STN1: variants seen among roughly 807,000 people sequenced by gnomAD.
The protein encoded by STN1 is CST complex subunit STN1.
A neutral mutation model predicts 45.5 loss-of-function variants in STN1; 29 were observed. That is an observed-to-expected ratio of 0.64 (90% CI 0.47 to 0.87). STN1 has a LOEUF of 0.87. STN1 is among the 40% of genes least tolerant of loss of function. The pLI is 0.00. For missense variants in STN1, 376 were observed against 441.4 expected, an observed-to-expected ratio of 0.85 and a Z score of 1.33; for synonymous variants, 148 against 159.0, an observed-to-expected ratio of 0.93 and a Z score of 0.52.
intron 3 of STN1, among the ~76,000 whole-genome samples, chr10:103,907,087 A>T (rs1217034140): frequency 6.6e-6 from 1 of 152,176 alleles, no homozygotes; most frequent in African/African-American, 2.4e-5. Context: ...TAGCCACTGC[A>T]CTCCAGCCTG....
At chr10:103,906,360 T>C (rs1364295593) in intron 3 of STN1, among the ~76,000 whole-genome samples, 3 of 152,174 alleles carry the variant, frequency 2.0e-5, no homozygotes, top group African/African-American at 4.8e-5. Context: ...TGATTTAATA[T>C]ATAAAGAGCT....
At chr10:103,894,108 G>C (rs1189384552) in intron 7 of STN1, among the ~76,000 whole-genome samples, 1 of 152,180 alleles carries the variant, frequency 6.6e-6, no homozygotes, top group Non-Finnish European at 1.5e-5. Flanking sequence ...AGTGCTCTTA[G>C]GGGATGCACC....
At chr10:103,911,243 T>C (rs1843288895) in intron 2 of STN1, among the ~76,000 whole-genome samples, 1 of 152,116 alleles carries the variant, frequency 6.6e-6, no homozygotes, top group South Asian at 2.1e-4. Context: ...AGGGGGAACC[T>C]ACCCACTGAT....
Position 103,882,744 on chromosome 10 carries a change from C to T in STN1, c.1047G>A (p.Glu349=). The T allele has an allele frequency of 6.2e-7, 1 of 1,614,218 alleles. No homozygotes were observed. Among genetic ancestry groups the T allele is most frequent in the Non-Finnish European group, 8.5e-7 (1 of 1,180,046 alleles). Residue 349 remains glutamate, a synonymous_variant, in exon 10 of 10, where the codon GAG becomes GAA. Transcript: ENST00000224950. ...CAATGTCACTCTGGTCCTCCAGGAGCTCCAGAACTTGCTGCAGCACAGCCT... is the reference window on the plus strand; with the variant it reads ...CAATGTCACTCTGGTCCTCCAGGAGTTCCAGAACTTGCTGCAGCACAGCCT... ...LSEAVLQQVL[E]LLEDQSDIVS...
chr10:103,897,456 G>C, intron 7 of STN1, 92 bp downstream of exon 7: 1 of 1,146,364 alleles, frequency 8.7e-7, no homozygotes, highest in African/African-American at 1.5e-5. Context: ...TCAACTCTGT[G>C]AATCTTCATG....
rs896362209 is a variant in STN1 at position 103,882,320 on chromosome 10, C to G, written c.*364G>C. On this transcript the variant is annotated 3_prime_UTR_variant, in exon 10 of 10. Coordinates refer to ENST00000224950, the MANE Select transcript of STN1 (RefSeq NM_024928.5). ...ATGCCCCTCAGTTCCTGAATGTTCA[C>G]TACCCTGTGGTGTCCCTTTGCCATG... Among the ~76,000 whole-genome samples, 1 of 152,248 alleles carries G rather than the reference C, an allele frequency of 6.6e-6. No individual in the cohort carries two copies. The highest frequency in any genetic ancestry group is 6.5e-5 in the Admixed American group (1 of 15,290).
chr10:103,914,349 T>A (rs1352421422), intron 2 of STN1, among the ~76,000 whole-genome samples: 2 of 17,430 alleles, frequency 1.1e-4, no homozygotes, highest in African/African-American at 2.3e-4. Flanking sequence ...TATATATATA[T>A]ATATATATAT....
At chr10:103,893,319 CCA>C (rs1843152337) in intron 7 of STN1, among the ~76,000 whole-genome samples, 3 of 152,118 alleles carry the variant, frequency 2.0e-5, no homozygotes, top group African/African-American at 7.2e-5. Flanking sequence ...CAGGCGCCTG[CCA>C]CCATGCCCAG....
rs1329743719 is a variant in STN1, at chr10:103,878,403, G to A, written c.*4281C>T. 1 of 152,196 alleles carries A rather than the reference G, an allele frequency of 6.6e-6. No homozygotes were observed. The highest frequency in any genetic ancestry group is 1.5e-5 in the Non-Finnish European group (1 of 68,048). 9.4% of individuals were successfully genotyped at this position (152,196 alleles called of 1,614,324 possible). A position where few individuals can be genotyped will look rare whatever the true frequency, so the allele number is the denominator to read the frequency against. ...CTTAGAGTTCTGATGTTGCTTAGAA[G>A]ACAGAGGCCTACCTCATTCTTGGTT... is the stretch of plus-strand genomic sequence containing the variant. On this transcript the variant is annotated 3_prime_UTR_variant, in exon 10 of 10. Transcript: ENST00000224950.
intron 9 of STN1, among the ~76,000 whole-genome samples, chr10:103,883,594 A>G (rs61277100): frequency 0.44 from 67,391 of 151,762 alleles, 15,657 homozygotes; most frequent in Non-Finnish European, 0.5. Flanking sequence ...CTACTCCTAC[A>G]TATTCACCTC....
At chr10:103,893,215 C>A (rs893165595) in intron 7 of STN1, among the ~76,000 whole-genome samples, 1 of 152,052 alleles carries the variant, frequency 6.6e-6, no homozygotes. Flanking sequence ...GTCGCCCAGG[C>A]TGGAGTGCAG....
intron 4 of STN1, among the ~76,000 whole-genome samples, chr10:103,902,881 T>C (rs1458332636): frequency 3.3e-5 from 5 of 152,348 alleles, no homozygotes; most frequent in Non-Finnish European, 7.3e-5. Flanking sequence ...TCTCGTTATA[T>C]TTGCAAAGCA....
intron 8 of STN1, among the ~76,000 whole-genome samples, chr10:103,889,985 G>T (rs1464434911): frequency 6.6e-6 from 1 of 152,096 alleles, no homozygotes; most frequent in African/African-American, 2.4e-5. Context: ...GATTATAGGC[G>T]TGAGCCACCG....
intron 3 of STN1, 136 bp downstream of exon 3, chr10:103,910,391 C>G (rs1843281759): frequency 1.9e-6 from 1 of 523,820 alleles, no homozygotes; most frequent in South Asian, 2.7e-5. Context: ...CTATAAGGGG[C>G]ACCCCATAGA....
rs183838035 is a variant in STN1, at chr10:103,917,637, T to C, written c.-43A>G. Reference sequence around the variant, plus strand: ...GCTTCCAGCTAACTCTGAAAGGTTCTGCATCACTGAGTCAAGCATCTAGAT... The same window carrying C: ...GCTTCCAGCTAACTCTGAAAGGTTCCGCATCACTGAGTCAAGCATCTAGAT... On this transcript the variant is annotated 5_prime_UTR_variant, in exon 2 of 10. Transcript: ENST00000224950. 1.9e-3 allele frequency: 3,024 copies of C among 1,601,640 alleles called. 5 individuals carry two copies. Among genetic ancestry groups the C allele is most frequent in the Admixed American group, 2.4e-3 (137 of 57,830 alleles).
chr10:103,910,928 T>A (rs779237526), intron 2 of STN1, among the ~76,000 whole-genome samples: 17 of 151,806 alleles, frequency 1.1e-4, no homozygotes, highest in African/African-American at 3.9e-4. Context: ...CTGAAAACAG[T>A]CATTATACTG....
chr10:103,913,088 T>A (rs1361209619), intron 2 of STN1, among the ~76,000 whole-genome samples: 1 of 152,252 alleles, frequency 6.6e-6, no homozygotes, highest in Non-Finnish European at 1.5e-5. Flanking sequence ...ACCACTGTCG[T>A]GGTTTTAATA....
chr10:103,915,078 C>A (rs994568588), intron 2 of STN1, among the ~76,000 whole-genome samples: 1 of 152,174 alleles, frequency 6.6e-6, no homozygotes, highest in Non-Finnish European at 1.5e-5. Flanking sequence ...TCAGGGCCAG[C>A]CAAATGAAGA....
At chr10:103,893,045 A>G (rs1162526643) in intron 7 of STN1, among the ~76,000 whole-genome samples, 1 of 152,224 alleles carries the variant, frequency 6.6e-6, no homozygotes, top group African/African-American at 2.4e-5. Context: ...TGACTGATAA[A>G]GTATCTGTGA....
Sources: gnomAD v4.1 joint callset for allele counts (sites outside exome capture counted in the v4.1 genomes callset) on GRCh38, gnomAD v4.1.1 for gene constraint, MANE v1.5 for transcripts, NCBI Gene and HGNC (gene_info 2026-07-23, HGNC 2026-07-21) for gene names.